Variants in CHD1L observed in about 807,000 individuals in gnomAD.
The protein encoded by CHD1L is chromodomain helicase DNA binding protein 1 like.
Under a neutral mutation model 115.9 loss-of-function variants are expected in CHD1L, and 118 were observed. The ratio of observed to expected loss-of-function variants is 1.02; its 90% CI spans 0.88 to 1.19. The LOEUF is 1.19. Among genes scored for constraint, CHD1L ranks in the 50% most tolerant of loss-of-function variants. CHD1L has a pLI of 0.00. For synonymous variants in CHD1L, 411 were observed against 387.1 expected, an observed-to-expected ratio of 1.06 and a Z score of -0.72; for missense variants, 1,179 against 1,065.3, an observed-to-expected ratio of 1.11 and a Z score of -1.49.
At chr1:147,200,282 C>T in the CHD1L span, among the ~76,000 whole-genome samples, 5,612 of 152,260 alleles carry the variant, frequency 0.037, 146 homozygotes, top group South Asian at 0.095. Flanking sequence ...TTCCATGTGC[C>T]TTCCCTTCAG....
the CHD1L span, chr1:147,174,757 AT>A: frequency 1.3e-5 from 2 of 152,132 alleles, no homozygotes; most frequent in East Asian, 3.8e-4. Context: ...CTTAACCAGT[AT>A]CAGTATAATT....
chr1:147,216,658 C>G, the CHD1L span, among the ~76,000 whole-genome samples: 2 of 152,110 alleles, frequency 1.3e-5, no homozygotes, highest in African/African-American at 4.8e-5. Flanking sequence ...ATGAGACAAG[C>G]TAAATGCCCA....
intron 14 of CHD1L, among the ~76,000 whole-genome samples, chr1:147,276,532 G>T (rs1179505395): frequency 6.6e-6 from 1 of 152,162 alleles, no homozygotes; most frequent in African/African-American, 2.4e-5. Flanking sequence ...GACACCACAG[G>T]TTAGCTCAGA....
the CHD1L span, among the ~76,000 whole-genome samples, chr1:147,200,263 T>C: frequency 6.6e-6 from 1 of 152,214 alleles, no homozygotes; most frequent in Non-Finnish European, 1.5e-5. Context: ...TGAGTAAATC[T>C]AATCCTTCTT....
At chr1:147,217,184 GAC>G in the CHD1L span, among the ~76,000 whole-genome samples, 2 of 151,658 alleles carry the variant, frequency 1.3e-5, no homozygotes, top group Non-Finnish European at 2.9e-5. Context: ...AGGTTGCGGT[GAC>G]AGAGATAGCG....
At chr1:147,295,279 A>C in intron 22 of CHD1L, 152 bp from the exon 23 acceptor site, 1 of 614,864 alleles carries the variant, frequency 1.6e-6, no homozygotes, top group Non-Finnish European at 2.8e-6. Context: ...CAGCAGCAAT[A>C]AGTACTAATA....
At chr1:147,268,721 A>G in intron 9 of CHD1L, 61 bp from the exon 10 acceptor site, 1 of 1,340,928 alleles carries the variant, frequency 7.5e-7, no homozygotes, top group Non-Finnish European at 1.1e-6. Flanking sequence ...CCTGTAGCCT[A>G]GCTACTGGCT....
At chr1:147,178,251 C>G in the CHD1L span, 1 of 1,613,640 alleles carries the variant, frequency 6.2e-7, no homozygotes. Context: ...GCTCTGCGGG[C>G]CTCATGCTCG....
At chr1:147,265,857 C>CT (rs752239724) in intron 7 of CHD1L, 75 bp from the exon 8 acceptor site, 360 of 1,346,262 alleles carry the variant, frequency 2.7e-4, no homozygotes, top group Admixed American at 4.2e-4. Context: ...AAATAAATTT[C>CT]TTTAAGTTCT....
the CHD1L span, chr1:147,201,477 AT>A: frequency 1.9e-6 from 3 of 1,613,978 alleles, no homozygotes; most frequent in Non-Finnish European, 2.5e-6. Context: ...GCAGGTCATC[AT>A]TTAAGGTTGG....
At chr1:147,272,390 A>G in intron 12 of CHD1L, 109 bp downstream of exon 12, 1 of 764,266 alleles carries the variant, frequency 1.3e-6, no homozygotes, top group Non-Finnish European at 2.2e-6. Flanking sequence ...AGGTGAGGTT[A>G]CTATTGAATG....
chr1:147,227,829 T>C, the CHD1L span, among the ~76,000 whole-genome samples: 2 of 152,190 alleles, frequency 1.3e-5, no homozygotes, highest in East Asian at 1.9e-4. Context: ...CAGTCTCACC[T>C]CTACTCAGAT....
At chr1:147,273,228 T>A (rs1342540494) in intron 12 of CHD1L, among the ~76,000 whole-genome samples, 12 of 152,150 alleles carry the variant, frequency 7.9e-5, no homozygotes, top group African/African-American at 2.9e-4. Flanking sequence ...TTTCAACTCA[T>A]AGGATCCTAG....
chr1:147,213,759 T>C, the CHD1L span, among the ~76,000 whole-genome samples: 36 of 152,280 alleles, frequency 2.4e-4, no homozygotes, highest in Admixed American at 2.4e-3. Flanking sequence ...CTGTAACACC[T>C]GAGTAAAGCC....
At chr1:147,202,490 T>G in the CHD1L span, among the ~76,000 whole-genome samples, 1 of 151,982 alleles carries the variant, frequency 6.6e-6, no homozygotes, top group East Asian at 1.9e-4. Flanking sequence ...TGGCTAATTT[T>G]TGTATTTTTA....
At chr1:147,269,050 C>G (rs980339033) in intron 10 of CHD1L, among the ~76,000 whole-genome samples, 172 bp downstream of exon 10, 1 of 152,134 alleles carries the variant, frequency 6.6e-6, no homozygotes, top group Non-Finnish European at 1.5e-5. Context: ...CCCACTCCAC[C>G]CCTTCCACAA....
In CHD1L at chr1:147,284,500, G is replaced by A. The variant is rs371704346; in HGVS notation, c.1854+1G>A. Reference sequence around the variant, plus strand: ...CCGATCACTCCGAAATAAAGGCAGTGTAAGAACTGTTAATTTATTTAAAAG... The same window carrying A: ...CCGATCACTCCGAAATAAAGGCAGTATAAGAACTGTTAATTTATTTAAAAG... On this transcript the variant is annotated splice_donor_variant, in intron 16 of 22. Coordinates refer to ENST00000369258, the MANE Select transcript of CHD1L (RefSeq NM_004284.6). LOFTEE classifies it high-confidence loss of function. 65 of 1,570,006 alleles carry A rather than the reference G, an allele frequency of 4.1e-5. No homozygotes were observed. In the African/African-American group the frequency reaches 7.8e-4, roughly 19 times the overall value.
At chr1:147,198,678 G>A in the CHD1L span, among the ~76,000 whole-genome samples, 13 of 151,626 alleles carry the variant, frequency 8.6e-5, no homozygotes, top group African/African-American at 2.2e-4. Context: ...GTGAAACCCC[G>A]TCTGTATTAA....
At chr1:147,269,784 G>A (rs1675438917) in intron 10 of CHD1L, among the ~76,000 whole-genome samples, 4 of 151,654 alleles carry the variant, frequency 2.6e-5, no homozygotes, top group African/African-American at 7.3e-5. Flanking sequence ...TCTAGGAAAA[G>A]CCCAGATTCC....
Sources: allele counts gnomAD v4.1 joint callset (sites outside exome capture counted in the v4.1 genomes callset), GRCh38; gene constraint gnomAD v4.1.1; transcripts MANE v1.5; gene names NCBI Gene and HGNC (gene_info 2026-07-23, HGNC 2026-07-21).